MRPS10: variants seen among roughly 807,000 people sequenced by gnomAD.
The protein encoded by MRPS10 is mitochondrial ribosomal protein S10, also known as small ribosomal subunit protein uS10m.
Under a neutral mutation model 27.5 loss-of-function variants are expected in MRPS10, and 23 were observed. The observed-to-expected ratio is 0.84, with a 90% CI of 0.60 to 1.18. The LOEUF is 1.18. Among genes scored for constraint, MRPS10 ranks in the 50% most tolerant of loss-of-function variants. The probability of loss-of-function intolerance (pLI) is 0.00; values close to 1 mark genes in which losing one functional copy is unlikely to be tolerated. For missense variants in MRPS10, 237 were observed against 240.1 expected (o/e 0.99, Z 0.09); for synonymous variants, 88 against 84.2 (o/e 1.04, Z -0.25).
chr6:42,211,755 G>A, intron 4 of MRPS10, 26 bp downstream of exon 4: 2 of 1,604,816 alleles, frequency 1.2e-6, no homozygotes, highest in Non-Finnish European at 1.7e-6. Context: ...CAGCGAACAG[G>A]TCGGGTCAGG....
chr6:42,211,904 T>C lies in MRPS10; in HGVS notation c.200A>G (p.Asp67Gly). Residue 67 changes from aspartate (D) to glycine (G), a missense_variant, in exon 4 of 7, where the codon GAT becomes GGT. By Grantham distance (94) the Asp-to-Gly change is moderately conservative. Around this residue, in one of 3 missense-constraint regions of MRPS10, gnomAD observed 164 missense variants for 137.8 expected, o/e 1.19. Transcript: ENST00000053468. ...DLTKPVVTIS[D>G]EPDILYKRLS... Reference sequence around the variant, plus strand: ...GCGCTTATATAATATGTCTGGTTCATCAGAGATTGTTACCTAAAATCCAAA... The same window carrying C: ...GCGCTTATATAATATGTCTGGTTCACCAGAGATTGTTACCTAAAATCCAAA... The C allele has an allele frequency of 3.7e-6, 6 of 1,609,834 alleles. No individual in the cohort carries two copies. Among genetic ancestry groups the C allele is most frequent in the Non-Finnish European group, 5.1e-6 (6 of 1,178,982 alleles).
chr6:42,208,104 G>T lies in MRPS10; in HGVS notation c.*185C>A. The T allele has an allele frequency of 1.7e-6, 1 of 602,312 alleles. No individual in the cohort carries two copies. Among genetic ancestry groups the T allele is most frequent in the Non-Finnish European group, 2.9e-6 (1 of 344,076 alleles). 37.3% of individuals were successfully genotyped at this position (602,312 alleles called of 1,614,324 possible). A position where few individuals can be genotyped will look rare whatever the true frequency, so the allele number is the denominator to read the frequency against. On this transcript the variant is annotated 3_prime_UTR_variant, in exon 7 of 7. Coordinates refer to ENST00000053468, the MANE Select transcript of MRPS10 (RefSeq NM_018141.4). ...TCAGAACTGAAACAATGAATAAAAA[G>T]AATAGATAAAAGTGGTTCTTCCATT...
At chr6:42,215,258 G>A (rs1310118234) in intron 1 of MRPS10, among the ~76,000 whole-genome samples, 2 of 147,536 alleles carry the variant, frequency 1.4e-5, no homozygotes, top group South Asian at 2.1e-4. Context: ...GCATGGTGGC[G>A]GTGCGGTTGT....
rs777867202 is a variant in MRPS10, at chr6:42,211,880, C to T, written c.224G>A (p.Arg75His). The change falls in exon 4 of 7, where the codon CGC becomes CAC. Residue 75 changes from arginine to histidine, a missense_variant. By Grantham distance (29) the Arg-to-His change is conservative. Coordinates refer to ENST00000053468, the MANE Select transcript of MRPS10 (RefSeq NM_018141.4). ...GTGACCTTTCACCAAAACCGAGAGGCGCTTATATAATATGTCTGGTTCATC... is the reference window on the plus strand; with the variant it reads ...GTGACCTTTCACCAAAACCGAGAGGTGCTTATATAATATGTCTGGTTCATC... ...ISDEPDILYKRLSVLVKGHDK... is the reference protein window; with the variant it reads ...ISDEPDILYKHLSVLVKGHDK... 20 of 1,613,694 alleles carry T rather than the reference C, an allele frequency of 1.2e-5. No individual in the cohort carries two copies. In the Admixed American group the frequency reaches 2.3e-4, roughly 19 times the overall value.
In MRPS10 at chr6:42,210,591, T is replaced by G. The variant is rs1325584349; in HGVS notation, c.329A>C (p.Glu110Ala). 1.4e-6 allele frequency: 2 copies of G among 1,455,608 alleles called. No homozygotes were observed. The highest frequency in any genetic ancestry group is 1.9e-6 in the Non-Finnish European group (2 of 1,080,420). 90.2% of individuals were successfully genotyped at this position (1,455,608 alleles called of 1,614,324 possible). Residue 110 changes from glutamate to alanine, a missense_variant, in exon 5 of 7, where the codon GAA becomes GCA. Glu to Ala is a moderately radical substitution (Grantham distance 107, BLOSUM62 -1). Around this residue, in one of 3 missense-constraint regions of MRPS10, gnomAD observed 164 missense variants for 137.8 expected, o/e 1.19. Transcript: ENST00000053468. ...KELGISIKVHEPPRKIERFTL... is the reference protein window; with the variant it reads ...KELGISIKVHAPPRKIERFTL... ...AAATCGCTCTATTTTCCTTGGAGGT[T>G]CATGTCTGAAATTAATGGACAAAAC...
chr6:42,209,897 T>C (rs1036557168), intron 5 of MRPS10, among the ~76,000 whole-genome samples: 1 of 152,126 alleles, frequency 6.6e-6, no homozygotes, highest in African/African-American at 2.4e-5. Context: ...GTGATCAAAG[T>C]ATTCTGAGTG....
At chr6:42,216,379 A>AGTGTGTGTGTGTGT (rs1479117624) in intron 1 of MRPS10, among the ~76,000 whole-genome samples, 3 of 33,714 alleles carry the variant, frequency 8.9e-5, no homozygotes, top group African/African-American at 1.3e-4. Flanking sequence ...AGAGAGAGAG[A>AGTGTGTGTGTGTGT]GAGAGAGTGT....
chr6:42,217,852 T>C lies in MRPS10; in HGVS notation c.-3A>G. The C allele has an allele frequency of 1.2e-6, 2 of 1,613,930 alleles. No individual in the cohort carries two copies. Among genetic ancestry groups the C allele is most frequent in the South Asian group, 2.2e-5 (2 of 91,046 alleles). On this transcript the variant is annotated 5_prime_UTR_variant, in exon 1 of 7. Transcript: ENST00000053468. ...CCGAACGCTGTCCGCGCCGCCATCT[T>C]GCCGGTCCCGACCTCTCAGGATTGC... is the stretch of plus-strand genomic sequence containing the variant.
rs777382551 is a variant in MRPS10, at chr6:42,214,345, C to G, written c.49-1G>C. On this transcript the variant is annotated splice_acceptor_variant, in intron 1 of 6. Transcript: ENST00000053468. LOFTEE classifies it high-confidence loss of function. The stretch of plus-strand genomic sequence containing the variant: ...TGTTTACAGAAAAATTCCCCAATCC[C>G]TAAAGAAAAAAAAAGTAGGACATGT... 4 of 1,594,494 alleles carry G rather than the reference C, an allele frequency of 2.5e-6. No homozygotes were observed. The East Asian group carries it at 6.7e-5, about 27-fold the overall frequency.
chr6:42,211,745 C>T, intron 4 of MRPS10, 36 bp downstream of exon 4: 1 of 1,585,234 alleles, frequency 6.3e-7, no homozygotes, highest in South Asian at 1.1e-5. Context: ...CATATTACAG[C>T]AGCGAACAGG....
Position 42,215,359 on chromosome 6 carries a change from C to CAAA in MRPS10, c.49-1018_49-1016dup, listed in dbSNP as rs771389045. On this transcript the variant is annotated intron_variant, in intron 1 of 6. Coordinates refer to ENST00000053468, the MANE Select transcript of MRPS10 (RefSeq NM_018141.4). ...TGGGTGACAGAGCGAGACTCCCTCT[C>CAAA]AAAAAAAAAAAAAGAAGTTTAGCAT... is the stretch of plus-strand genomic sequence containing the variant. Among the ~76,000 whole-genome samples, 13 of 73,256 alleles carry CAAA rather than the reference C, an allele frequency of 1.8e-4. 1 individual carries two copies. Among genetic ancestry groups the CAAA allele is most frequent in the Admixed American group, 7.0e-4 (4 of 5,734 alleles). The allele number at this position is 73,256 out of a possible 152,430, so 48.1% of individuals were successfully genotyped here.
chr6:42,208,998 G>A lies in MRPS10; in HGVS notation c.433-51C>T, dbSNP rs72854874. Reference sequence around the variant, plus strand: ...TCATGTAAGCTGTTTGTTAAAGCACGGTTTTTTGTTTTTTTTTTTGAGATG... The same window carrying A: ...TCATGTAAGCTGTTTGTTAAAGCACAGTTTTTTGTTTTTTTTTTTGAGATG... On this transcript the variant is annotated intron_variant, in intron 5 of 6. Coordinates refer to ENST00000053468, the MANE Select transcript of MRPS10 (RefSeq NM_018141.4). 8,425 of 1,122,740 alleles carry A rather than the reference G, an allele frequency of 7.5e-3. 80 individuals are homozygous for A. The highest frequency in any genetic ancestry group is 0.029 in the African/African-American group (977 of 33,684). 69.5% of individuals were successfully genotyped at this position (1,122,740 alleles called of 1,614,324 possible).
intron 5 of MRPS10, among the ~76,000 whole-genome samples, chr6:42,209,575 C>T (rs1768713573): frequency 6.6e-6 from 1 of 151,436 alleles, no homozygotes; most frequent in African/African-American, 2.4e-5. Flanking sequence ...TGGTAAAACC[C>T]CATCTCTACT....
At chr6:42,212,704 G>A (rs1298022342) in intron 3 of MRPS10, among the ~76,000 whole-genome samples, 1 of 152,102 alleles carries the variant, frequency 6.6e-6, no homozygotes, top group Non-Finnish European at 1.5e-5. Context: ...CAATGATTCA[G>A]AGTTAAATCA....
At chr6:42,216,385 A>AGAGAGAGAGAGAGTGAGTGTGTGT in intron 1 of MRPS10, among the ~76,000 whole-genome samples, 2 of 58,642 alleles carry the variant, frequency 3.4e-5, no homozygotes, top group South Asian at 1.8e-3. Flanking sequence ...AGAGAGAGAG[A>AGAGAGAGAGAGAGTGAGTGTGTGT]GTGTGTGTGT....
intron 3 of MRPS10, among the ~76,000 whole-genome samples, chr6:42,212,544 T>C (rs548182392): frequency 1.3e-5 from 2 of 152,370 alleles, no homozygotes; most frequent in African/African-American, 4.8e-5. Context: ...TTAAATGATA[T>C]GACACTGACT....
At chr6:42,214,042 GA>G (rs1182300665) in intron 3 of MRPS10, 77 bp downstream of exon 3, 26 of 1,269,532 alleles carry the variant, frequency 2.0e-5, no homozygotes, top group African/African-American at 3.1e-5. Context: ...AGTGTTTGGG[GA>G]AAAAAAACCC....
At chr6:42,211,967 C>T (rs373572853) in intron 3 of MRPS10, 50 bp from the exon 4 acceptor site, 345 of 1,554,848 alleles carry the variant, frequency 2.2e-4, no homozygotes, top group Non-Finnish European at 2.9e-4. Context: ...CTATTTCTAA[C>T]TAGCAAATTT....
chr6:42,216,196 G>T (rs1768926240), intron 1 of MRPS10, among the ~76,000 whole-genome samples: 1 of 151,100 alleles, frequency 6.6e-6, no homozygotes. Flanking sequence ...GCTAATTTTT[G>T]TATTTTTAGT....
Sources: allele counts gnomAD v4.1 joint callset (sites outside exome capture counted in the v4.1 genomes callset), GRCh38; gene constraint gnomAD v4.1.1; regional missense constraint gnomAD v4.1.1; transcripts MANE v1.5; gene names NCBI Gene and HGNC (gene_info 2026-07-23, HGNC 2026-07-21).